Variants in PRRC2B observed in about 807,000 individuals in gnomAD.
The protein encoded by PRRC2B is protein PRRC2B.
In PRRC2B, 68 loss-of-function variants were observed where a neutral mutation model predicts 242.3. The ratio of observed to expected loss-of-function variants is 0.28; its 90% CI spans 0.23 to 0.34. The LOEUF is 0.34. PRRC2B is among the 10% of genes least tolerant of loss of function. The pLI, the probability that PRRC2B is intolerant of heterozygous loss-of-function variation, is 1.00. For missense variants in PRRC2B, 2,835 were observed against 2,954.8 expected (o/e 0.96, Z 0.94); for synonymous variants, 1,228 against 1,173.6 (o/e 1.05, Z -0.95).
At chr9:131,427,790 G>A (rs1838014513) in intron 1 of PRRC2B, among the ~76,000 whole-genome samples, 1 of 152,222 alleles carries the variant, frequency 6.6e-6, no homozygotes, top group African/African-American at 2.4e-5. Context: ...CCAGTCAGTG[G>A]TAAAATGGGG....
chr9:131,466,006 T>C (rs1002192763), intron 12 of PRRC2B, among the ~76,000 whole-genome samples: 2 of 152,256 alleles, frequency 1.3e-5, no homozygotes, highest in African/African-American at 2.4e-5. Flanking sequence ...ATTACAGGCG[T>C]GAGCCACTGT....
upstream of PRRC2B, among the ~76,000 whole-genome samples, chr9:131,392,633 G>A (rs1836920940): frequency 6.6e-6 from 1 of 152,118 alleles, no homozygotes; most frequent in South Asian, 2.1e-4. Context: ...ATTTGATGAT[G>A]TAAAACAGAG....
chr9:131,473,225 C>CAA (rs998966888), intron 14 of PRRC2B, among the ~76,000 whole-genome samples: 3 of 152,158 alleles, frequency 2.0e-5, no homozygotes, highest in Non-Finnish European at 2.9e-5. Context: ...AAGGCTTCAT[C>CAA]CCCTGTCCTG....
At chr9:131,419,264 T>C (rs1268907202) in intron 1 of PRRC2B, among the ~76,000 whole-genome samples, 1 of 152,216 alleles carries the variant, frequency 6.6e-6, no homozygotes, top group Non-Finnish European at 1.5e-5. Flanking sequence ...TCTCCCTGCA[T>C]CTCTGTCTTC....
chr9:131,447,252 G>C (rs1456356979), intron 8 of PRRC2B, 46 bp downstream of exon 8: 14 of 1,607,542 alleles, frequency 8.7e-6, no homozygotes, highest in Non-Finnish European at 1.2e-5. Context: ...TGAGTGCGGT[G>C]GTGATTCTGG....
chr9:131,475,258 C>A lies in PRRC2B; in HGVS notation c.3129C>A (p.Pro1043=), dbSNP rs774369066. ...CACGAGAGTCCAGCGATGTTCCCCCCATGAAGAGAAATAACTGGATCTTTA... is the reference window on the plus strand; with the variant it reads ...CACGAGAGTCCAGCGATGTTCCCCCAATGAAGAGAAATAACTGGATCTTTA... ...RPPRESSDVP[P]MKRNNWIFID... Residue 1043 remains proline (P), a synonymous_variant, in exon 16 of 32, where the codon CCC becomes CCA. Coordinates refer to ENST00000683519, the MANE Select transcript of PRRC2B (RefSeq NM_013318.4). 24 of 1,613,278 alleles carry A rather than the reference C, an allele frequency of 1.5e-5. No homozygotes were observed. Among genetic ancestry groups the A allele is most frequent in the African/African-American group, 4.0e-5 (3 of 74,924 alleles).
At chr9:131,463,029 C>T (rs185944058) in intron 11 of PRRC2B, among the ~76,000 whole-genome samples, 80 of 151,968 alleles carry the variant, frequency 5.3e-4, no homozygotes, top group African/African-American at 1.8e-3. Context: ...GGCGTGAAGG[C>T]TATGTGCAGT....
intron 5 of PRRC2B, among the ~76,000 whole-genome samples, chr9:131,443,241 C>T (rs944886675): frequency 1.4e-4 from 21 of 151,674 alleles, no homozygotes; most frequent in African/African-American, 5.1e-4. Flanking sequence ...TCACGCCATT[C>T]TCCTGCCTCA....
intron 9 of PRRC2B, among the ~76,000 whole-genome samples, chr9:131,454,565 C>T (rs906034350): frequency 1.3e-5 from 2 of 152,278 alleles, no homozygotes; most frequent in Admixed American, 6.5e-5. Flanking sequence ...CTCAGCTCCT[C>T]TGCTGGGATA....
chr9:131,477,905 G>C lies in PRRC2B; in HGVS notation c.4568G>C (p.Gly1523Ala). ...GCCAAGTTGGCTGCTCCGAGGGCAG[G>C]TGAACAGGGAGAGGCCATGAAACAG... ...KEAKLAAPRA[G>A]EQGEAMKQFD... The change falls in exon 17 of 32, where the codon GGT becomes GCT. Residue 1523 changes from glycine (G) to alanine (A), a missense_variant. By Grantham distance (60) the Gly-to-Ala change is moderately conservative. Around this residue, in one of 7 missense-constraint regions of PRRC2B, gnomAD observed 1,536 missense variants for 1,483.1 expected, o/e 1.04. Transcript: ENST00000683519. The C allele has an allele frequency of 1.2e-6, 2 of 1,614,042 alleles. No individual in the cohort carries two copies. Among genetic ancestry groups the C allele is most frequent in the South Asian group, 2.2e-5 (2 of 91,088 alleles).
intron 11 of PRRC2B, among the ~76,000 whole-genome samples, chr9:131,462,408 T>A (rs1363401367): frequency 6.6e-6 from 1 of 151,964 alleles, no homozygotes; most frequent in African/African-American, 2.4e-5. Context: ...AAATGGGGTT[T>A]CACCATGTTG....
chr9:131,412,331 G>A (rs1011100994), intron 1 of PRRC2B, among the ~76,000 whole-genome samples: 14 of 151,988 alleles, frequency 9.2e-5, no homozygotes, highest in Admixed American at 7.2e-4. Context: ...TTTTTTGTGC[G>A]TTTCATCTGT....
chr9:131,474,737 A>G lies in PRRC2B; in HGVS notation c.2608A>G (p.Ser870Gly). 1 of 1,612,472 alleles carries G rather than the reference A, an allele frequency of 6.2e-7. No individual in the cohort carries two copies. Among genetic ancestry groups the G allele is most frequent in the African/African-American group, 1.3e-5 (1 of 75,026 alleles). ...AGATGAGAAAAAGCCAGAGTGTGGC[A>G]GTTGGGATGTTAGCCACCAGCCAGA... is the stretch of plus-strand genomic sequence containing the variant. ...VPDEKKPECG[S>G]WDVSHQPETA... The change falls in exon 16 of 32, where the codon AGT becomes GGT. Residue 870 changes from serine (S) to glycine (G), a missense_variant. Ser to Gly is a moderately conservative substitution (Grantham distance 56, BLOSUM62 0). This residue lies in a region of PRRC2B where 1,536 missense variants were observed against 1,483.1 expected (regional missense o/e 1.04). Transcript: ENST00000683519.
intron 18 of PRRC2B, 23 bp downstream of exon 18, chr9:131,478,642 G>GA: frequency 2.1e-6 from 1 of 482,040 alleles, no homozygotes; most frequent in Non-Finnish European, 4.2e-6. Context: ...GGGTGGGGGG[G>GA]CATGGGGCTG....
At chr9:131,418,277 G>T (rs576040369) in intron 1 of PRRC2B, among the ~76,000 whole-genome samples, 39 of 152,342 alleles carry the variant, frequency 2.6e-4, no homozygotes, top group Middle Eastern at 3.4e-3. Flanking sequence ...TTGGCCCCTG[G>T]CCCCCTCTTC....
chr9:131,455,154 G>A lies in PRRC2B; in HGVS notation c.1199G>A (p.Gly400Asp). The part of the protein sequence containing the change: ...DEEEEEVVKD[G>D]RPKWNSWDPR... Reference sequence around the variant, plus strand: ...GAGGAGGAAGAAGTTGTGAAGGACGGCAGGCCAAAGTGGTAAGGACCCGTT... The same window carrying A: ...GAGGAGGAAGAAGTTGTGAAGGACGACAGGCCAAAGTGGTAAGGACCCGTT... Residue 400 changes from glycine to aspartate, a missense_variant, in exon 10 of 32, where the codon GGC becomes GAC. By Grantham distance (94) the Gly-to-Asp change is moderately conservative (BLOSUM62 -1). This residue lies in a region of PRRC2B where 626 missense variants were observed against 685.5 expected (regional missense o/e 0.91). Coordinates refer to ENST00000683519, the MANE Select transcript of PRRC2B (RefSeq NM_013318.4). The A allele has an allele frequency of 6.2e-7, 1 of 1,613,272 alleles. No homozygotes were observed. The highest frequency in any genetic ancestry group is 8.5e-7 in the Non-Finnish European group (1 of 1,179,404).
In PRRC2B at chr9:131,477,779, G is replaced by T. The variant is rs760426470; in HGVS notation, c.4442G>T (p.Gly1481Val). Residue 1481 changes from glycine (G) to valine (V), a missense_variant, in exon 17 of 32, where the codon GGC becomes GTC. Around this residue, in one of 7 missense-constraint regions of PRRC2B, gnomAD observed 1,536 missense variants for 1,483.1 expected, o/e 1.04. Coordinates refer to ENST00000683519, the MANE Select transcript of PRRC2B (RefSeq NM_013318.4). ...PDEALPGGLS[G>V]CSSGSGHSPY... is the part of the protein sequence containing the mutation. ...GAGGCCTTGCCTGGAGGTCTTAGTG[G>T]CTGCAGCAGTGGGAGTGGCCACTCC... is the stretch of plus-strand genomic sequence containing the variant. 1 of 1,610,528 alleles carries T rather than the reference G, an allele frequency of 6.2e-7. No homozygotes were observed. Among genetic ancestry groups the T allele is most frequent in the East Asian group, 2.2e-5 (1 of 44,860 alleles).
At position 131,450,414 on chromosome 9, in the gene PRRC2B, C is replaced by T. The variant is rs193078306; in HGVS notation, c.1120+2610C>T. On this transcript the variant is annotated intron_variant, in intron 9 of 31. Coordinates refer to ENST00000683519, the MANE Select transcript of PRRC2B (RefSeq NM_013318.4). ...TCCCGAGTAGCTGGAATTATAGGCG[C>T]GCACCACATGCCCAACTAATTTTTG... Among the ~76,000 whole-genome samples, 13 of 151,594 alleles carry T rather than the reference C, an allele frequency of 8.6e-5. No individual in the cohort carries two copies. In the East Asian group the frequency reaches 2.5e-3, roughly 29 times the overall value.
intron 11 of PRRC2B, among the ~76,000 whole-genome samples, chr9:131,461,974 A>G (rs1196775211): frequency 1.3e-5 from 2 of 152,190 alleles, no homozygotes; most frequent in African/African-American, 2.4e-5. Context: ...AACAAAATAG[A>G]CACAATGCCA....
Sources: allele counts gnomAD v4.1 joint callset (sites outside exome capture counted in the v4.1 genomes callset), GRCh38; gene constraint gnomAD v4.1.1; regional missense constraint gnomAD v4.1.1; transcripts MANE v1.5; gene names NCBI Gene and HGNC (gene_info 2026-07-23, HGNC 2026-07-21).